Variants in SYT1 observed in about 807,000 individuals in gnomAD.
The protein encoded by SYT1 is synaptotagmin-1.
A neutral mutation model predicts 44.8 loss-of-function variants in SYT1; 8 were observed. The ratio of observed to expected loss-of-function variants is 0.18; its 90% CI spans 0.10 to 0.32. The LOEUF is 0.32. Among genes scored for constraint, SYT1 ranks in the 10% least tolerant of loss-of-function variants. The probability of loss-of-function intolerance (pLI) is 1.00; values close to 1 mark genes in which losing one functional copy is unlikely to be tolerated. For missense variants in SYT1, 286 were observed against 509.3 expected (o/e 0.56, Z 4.22); for synonymous variants, 154 against 188.8 (o/e 0.82, Z 1.51).
chr12:78,940,604 G>T (rs528663255), intron 1 of SYT1, among the ~76,000 whole-genome samples: 40 of 151,552 alleles, frequency 2.6e-4, no homozygotes, highest in Non-Finnish European at 4.9e-4. Flanking sequence ...GCTCAGGCTG[G>T]TCTTGAACTC....
chr12:78,943,482 T>A (rs1301224917), intron 1 of SYT1, among the ~76,000 whole-genome samples: 3 of 152,144 alleles, frequency 2.0e-5, no homozygotes, highest in African/African-American at 7.2e-5. Flanking sequence ...ACTCATTCAC[T>A]AGCTTGAGGA....
At chr12:78,905,676 A>G (rs1193972382) in intron 1 of SYT1, among the ~76,000 whole-genome samples, 1 of 151,960 alleles carries the variant, frequency 6.6e-6, no homozygotes, top group Non-Finnish European at 1.5e-5. Flanking sequence ...ATTTTATTTC[A>G]GTTTCAATAA....
chr12:79,307,717 G>A (rs745377815), intron 8 of SYT1, among the ~76,000 whole-genome samples: 9 of 152,212 alleles, frequency 5.9e-5, no homozygotes, highest in Non-Finnish European at 1.2e-4. Context: ...GTCTTCTGGA[G>A]GAGAAGGGCT....
rs10527014 is a variant in SYT1 at position 79,251,982 on chromosome 12, TGATA to T, written c.167-33780_167-33777del. Among the ~76,000 whole-genome samples the T allele has an allele frequency of 5.3e-3, 796 of 149,934 alleles. 5 individuals carry two copies. Among genetic ancestry groups the T allele is most frequent in the Middle Eastern group, 0.037 (11 of 294 alleles). ...TGTTTTTCTTAACAAGATAGATGAT[TGATA>T]GATAGATAGATAGATAGATAGATAA... On this transcript the variant is annotated intron_variant, in intron 4 of 10. Transcript: ENST00000261205.
chr12:79,382,124 C>A lies in SYT1; in HGVS notation c.928+28505C>A, dbSNP rs1884248214. 3.3e-5 allele frequency among the ~76,000 whole-genome samples: 5 copies of A among 152,174 alleles called. No individual in the cohort carries two copies. The South Asian group carries it at 1.0e-3, about 31-fold the overall frequency. ...CCCACCCCTGGTTAAAGAAACGCTA[C>A]AGATGAAAATGACACAGTGATTCTC... On this transcript the variant is annotated intron_variant, in intron 9 of 10. Coordinates refer to ENST00000261205, the MANE Select transcript of SYT1 (RefSeq NM_005639.3).
intron 1 of SYT1, among the ~76,000 whole-genome samples, chr12:78,882,793 A>G (rs1304751868): frequency 2.0e-5 from 3 of 151,776 alleles, no homozygotes; most frequent in African/African-American, 7.2e-5. Flanking sequence ...TGCTTTAAAT[A>G]TATATTGCTA....
intron 3 of SYT1, among the ~76,000 whole-genome samples, chr12:79,058,209 C>G (rs1875110441): frequency 6.6e-6 from 1 of 151,912 alleles, no homozygotes; most frequent in South Asian, 2.1e-4. Flanking sequence ...TGTTTTCTTT[C>G]CATTTTATAA....
chr12:79,064,946 AAGAAAG>A (rs1875682267), intron 3 of SYT1, among the ~76,000 whole-genome samples: 1 of 132,176 alleles, frequency 7.6e-6, no homozygotes, highest in South Asian at 2.5e-4. Context: ...GAAAGAAAGA[AAGAAAG>A]AAAGAAAGAA....
At chr12:78,969,319 T>A (rs752689782) in intron 1 of SYT1, among the ~76,000 whole-genome samples, 1 of 152,104 alleles carries the variant, frequency 6.6e-6, no homozygotes, top group Non-Finnish European at 1.5e-5. Flanking sequence ...AATGACTGAA[T>A]AAGATAAAGG....
intron 8 of SYT1, among the ~76,000 whole-genome samples, chr12:79,347,926 A>T (rs1882680665): frequency 6.6e-6 from 1 of 152,160 alleles, no homozygotes; most frequent in African/African-American, 2.4e-5. Flanking sequence ...GTAACATGCA[A>T]GCAGAAAGCT....
At chr12:79,313,944 C>T (rs1383807744) in intron 8 of SYT1, among the ~76,000 whole-genome samples, 35 of 148,706 alleles carry the variant, frequency 2.4e-4, no homozygotes, top group Admixed American at 2.1e-3. Flanking sequence ...CCGAGGCGGG[C>T]GGATCACGAG....
At chr12:79,341,833 T>C (rs927690880) in intron 8 of SYT1, among the ~76,000 whole-genome samples, 1 of 151,910 alleles carries the variant, frequency 6.6e-6, no homozygotes, top group African/African-American at 2.4e-5. Context: ...CATGCCCAGC[T>C]AATTTTTTGT....
intron 9 of SYT1, among the ~76,000 whole-genome samples, chr12:79,422,678 C>T (rs990385155): frequency 6.0e-5 from 9 of 149,108 alleles, no homozygotes; most frequent in African/African-American, 2.2e-4. Context: ...TGCTCGTGCT[C>T]TCTCTCTCTC....
intron 8 of SYT1, among the ~76,000 whole-genome samples, chr12:79,314,809 C>A (rs918386469): frequency 2.8e-4 from 43 of 152,102 alleles, no homozygotes; most frequent in African/African-American, 9.7e-4. Flanking sequence ...AAAGTAGAAA[C>A]AACCAAAATA....
intron 3 of SYT1, among the ~76,000 whole-genome samples, chr12:79,103,876 C>T (rs1878568320): frequency 6.6e-6 from 1 of 151,920 alleles, no homozygotes; most frequent in African/African-American, 2.4e-5. Flanking sequence ...ATGTACTTAC[C>T]CACACCAGCA....
chr12:79,089,864 G>T (rs1438093897), intron 3 of SYT1, among the ~76,000 whole-genome samples: 5 of 152,032 alleles, frequency 3.3e-5, no homozygotes, highest in Non-Finnish European at 4.4e-5. Flanking sequence ...CCCTGTGCAG[G>T]TTCATTTATC....
At chr12:79,445,996 T>C (rs1271124795) in intron 10 of SYT1, among the ~76,000 whole-genome samples, 4 of 97,202 alleles carry the variant, frequency 4.1e-5, no homozygotes, top group Non-Finnish European at 6.1e-5. Flanking sequence ...AAGACATATA[T>C]ATATATATAT....
At chr12:79,001,975 G>A (rs1379833209) in intron 2 of SYT1, among the ~76,000 whole-genome samples, 1 of 151,952 alleles carries the variant, frequency 6.6e-6, no homozygotes, top group Non-Finnish European at 1.5e-5. Flanking sequence ...TTTGCTTTTG[G>A]TGATTTCAGG....
At chr12:79,111,645 A>G (rs551176353) in intron 3 of SYT1, among the ~76,000 whole-genome samples, 3 of 151,960 alleles carry the variant, frequency 2.0e-5, no homozygotes, top group South Asian at 2.1e-4. Context: ...ACCTCATTCT[A>G]TTTTCATGAT....
Sources: allele counts gnomAD v4.1 joint callset (sites outside exome capture counted in the v4.1 genomes callset), GRCh38; gene constraint gnomAD v4.1.1; transcripts MANE v1.5; gene names NCBI Gene and HGNC (gene_info 2026-07-23, HGNC 2026-07-21).